Variants in PIAS3 observed in about 807,000 individuals in gnomAD.
PIAS3 encodes protein inhibitor of activated STAT 3, also known as E3 SUMO-protein ligase PIAS3.
In PIAS3, 34 loss-of-function variants were observed where a neutral mutation model predicts 67.6. The observed-to-expected ratio is 0.50, with a 90% CI of 0.38 to 0.67. The LOEUF is 0.67. Ranked by LOEUF, PIAS3 falls within the 30% of genes least tolerant of loss-of-function variation. The pLI is 0.00. For synonymous variants in PIAS3, 341 were observed against 313.8 expected, an observed-to-expected ratio of 1.09 and a Z score of -0.92; for missense variants, 693 against 791.6, an observed-to-expected ratio of 0.88 and a Z score of 1.49.
Position 145,850,880 on chromosome 1 carries a change from C to T in PIAS3, c.1339G>A (p.Val447Ile), listed in dbSNP as rs781879824. Residue 447 changes from valine (V) to isoleucine (I), a missense_variant, in exon 11 of 14, where the codon GTT (valine) becomes ATT (isoleucine). Around this residue, in one of 3 missense-constraint regions of PIAS3, gnomAD observed 270 missense variants for 261.0 expected, o/e 1.03. Coordinates refer to ENST00000393045, the MANE Select transcript of PIAS3 (RefSeq NM_006099.3). The part of the protein sequence containing the change: ...DPSENKKKVE[V>I]IDLTIESSSD... ...GAGCTTTCTATTGTCAAGTCAATAA[C>T]TTCGACCTTCTTCTTATTCTCTGAT... The T allele has an allele frequency of 1.2e-6, 2 of 1,614,070 alleles. No individual in the cohort carries two copies. The highest frequency in any genetic ancestry group is 1.1e-5 in the South Asian group (1 of 91,088).
At chr1:145,857,225 C>A in intron 1 of PIAS3, 1 of 577,166 alleles carries the variant, frequency 1.7e-6, no homozygotes. Context: ...TCACCACCAC[C>A]CCCGAGCTTG....
intron 6 of PIAS3, 22 bp downstream of exon 6, chr1:145,854,724 C>T: frequency 6.2e-7 from 1 of 1,614,124 alleles, no homozygotes; most frequent in Non-Finnish European, 8.5e-7. Context: ...CTTTTCCAGG[C>T]ACCTGCTTTA....
chr1:145,848,619 A>T lies in PIAS3; in HGVS notation c.*827T>A, dbSNP rs1246590957. 1.5e-6 allele frequency: 1 copy of T among 663,476 alleles called. No homozygotes were observed. The highest frequency in any genetic ancestry group is 2.7e-5 in the East Asian group (1 of 37,390). 41.1% of individuals were successfully genotyped at this position (663,476 alleles called of 1,614,324 possible). ...AGGTCCTAGGCCTTGGCGAGCCTGA[A>T]AAAGAAGATTGGGAAGGAGGGCACA... On this transcript the variant is annotated 3_prime_UTR_variant, in exon 14 of 14. Coordinates refer to ENST00000393045, the MANE Select transcript of PIAS3 (RefSeq NM_006099.3).
intron 3 of PIAS3, 67 bp from the exon 4 acceptor site, chr1:145,856,185 G>A: frequency 7.2e-7 from 1 of 1,397,124 alleles, no homozygotes; most frequent in East Asian, 2.3e-5. Context: ...TGAATGCACA[G>A]AAAGGCTGAA....
In PIAS3 at chr1:145,854,898, T is replaced by C; in HGVS notation, c.670-18A>G. ...AGGTAACCCTGGAGAAGGGAGGGAT[T>C]GGTCAGTGGAGAAGTGGCTCTGGGA... On this transcript the variant is annotated intron_variant, in intron 5 of 13. Transcript: ENST00000393045. 6.2e-7 allele frequency: 1 copy of C among 1,613,850 alleles called. No homozygotes were observed. Among genetic ancestry groups the C allele is most frequent in the Non-Finnish European group, 8.5e-7 (1 of 1,179,818 alleles).
At position 145,850,505 on chromosome 1, in the gene PIAS3, A is replaced by C; in HGVS notation, c.1530T>G (p.Ser510Arg). ...CAGGTGGGTACTCATGTAGTGGGAG[A>C]CTGGACAGGAAATCCCCACCCAACG... ...MGTLGGDFLSSLPLHEYPPAF... is the reference protein window; with the variant it reads ...MGTLGGDFLSRLPLHEYPPAF... The change falls in exon 12 of 14, where the codon AGT becomes AGG. Residue 510 changes from serine (S) to arginine (R), a missense_variant. Around this residue, in one of 3 missense-constraint regions of PIAS3, gnomAD observed 270 missense variants for 261.0 expected, o/e 1.03. Transcript: ENST00000393045. 1 of 1,614,092 alleles carries C rather than the reference A, an allele frequency of 6.2e-7. No individual in the cohort carries two copies. Among genetic ancestry groups the C allele is most frequent in the South Asian group, 1.1e-5 (1 of 91,072 alleles).
In PIAS3 at chr1:145,851,118, C is replaced by A. The variant is rs1438101803; in HGVS notation, c.1181G>T (p.Cys394Phe). ...ATCTTCCATGAATTGGATCTCATCA[C>A]AATCTGAACAGGAACTAAGAATCTC... Reference protein sequence around the residue: ...FMEILSSCSDCDEIQFMEDGS... With the variant: ...FMEILSSCSDFDEIQFMEDGS... The change falls in exon 10 of 14, where the codon TGT becomes TTT. Residue 394 changes from cysteine (C) to phenylalanine (F), a missense_variant. Cys to Phe is a radical substitution (Grantham distance 205). This residue lies in a region of PIAS3 where 115 missense variants were observed against 181.8 expected (regional missense o/e 0.63). Transcript: ENST00000393045. The A allele has an allele frequency of 6.2e-7, 1 of 1,613,978 alleles. No individual in the cohort carries two copies. Among genetic ancestry groups the A allele is most frequent in the African/African-American group, 1.3e-5 (1 of 74,914 alleles).
At chr1:145,856,041 C>T in intron 4 of PIAS3, 27 bp downstream of exon 4, 3 of 1,602,276 alleles carry the variant, frequency 1.9e-6, no homozygotes, top group South Asian at 1.1e-5. Context: ...AGTGGGTACC[C>T]AGGATAGGCA....
At chr1:145,855,016 T>C (rs1032703770) in intron 5 of PIAS3, 136 bp from the exon 6 acceptor site, 1 of 988,852 alleles carries the variant, frequency 1.0e-6, no homozygotes, top group South Asian at 1.5e-5. Flanking sequence ...ACCAAGGGGA[T>C]GGAGGCCCAT....
chr1:145,850,798 G>A lies in PIAS3; in HGVS notation c.1421C>T (p.Ala474Val). ...TTTGCTTCCAGGTAGGGCCGGGATG[G>A]CAGCTGAGGTGACAGAACAGTGCTT... ...TKKHCSVTSA[A>V]IPALPGSKGV... The change falls in exon 11 of 14, where the codon GCC becomes GTC. Residue 474 changes from alanine (A) to valine (V), a missense_variant. Physicochemically the swap from Ala to Val is moderately conservative, Grantham distance 64 (BLOSUM62 0). Around this residue, in one of 3 missense-constraint regions of PIAS3, gnomAD observed 270 missense variants for 261.0 expected, o/e 1.03. Coordinates refer to ENST00000393045, the MANE Select transcript of PIAS3 (RefSeq NM_006099.3). The A allele has an allele frequency of 6.2e-7, 1 of 1,614,230 alleles. No homozygotes were observed. The highest frequency in any genetic ancestry group is 2.2e-5 in the East Asian group (1 of 44,892).
At chr1:145,851,181 C>T (rs778606023) in intron 9 of PIAS3, 28 bp from the exon 10 acceptor site, 8 of 1,611,468 alleles carry the variant, frequency 5.0e-6, no homozygotes, top group South Asian at 3.3e-5. Flanking sequence ...TGAAAATTCA[C>T]GGGGCTGGGA....
At position 145,853,624 on chromosome 1, in the gene PIAS3, G is replaced by A. The variant is rs1653049283; in HGVS notation, c.1025C>T (p.Thr342Ile). 1 of 1,613,912 alleles carries A rather than the reference G, an allele frequency of 6.2e-7. No individual in the cohort carries two copies. Among genetic ancestry groups the A allele is most frequent in the Non-Finnish European group, 8.5e-7 (1 of 1,180,016 alleles). Residue 342 changes from threonine (T) to isoleucine (I), a missense_variant, in exon 9 of 14, where the codon ACC (threonine) becomes ATC (isoleucine). This residue lies in a region of PIAS3 where 115 missense variants were observed against 181.8 expected (regional missense o/e 0.63). Coordinates refer to ENST00000393045, the MANE Select transcript of PIAS3 (RefSeq NM_006099.3). ...MRLTVPCRAL[T>I]CAHLQSFDAA... ...ATCGAAGCTCTGCAGGTGGGCGCAG[G>A]TGAGGGCACGACAAGGGACAGTCAG...
chr1:145,859,041 C>A lies in PIAS3; in HGVS notation c.-51G>T. 6.5e-7 allele frequency: 1 copy of A among 1,532,374 alleles called. No individual in the cohort carries two copies. The highest frequency in any genetic ancestry group is 8.8e-7 in the Non-Finnish European group (1 of 1,138,458). 94.9% of individuals were successfully genotyped at this position (1,532,374 alleles called of 1,614,324 possible). A position where few individuals can be genotyped will look rare whatever the true frequency, so the allele number is the denominator to read the frequency against. On this transcript the variant is annotated 5_prime_UTR_variant, in exon 1 of 14. Transcript: ENST00000393045. ...CGGAGCCGGAGCTCAGGCCCAGGGA[C>A]CGGCGCACAACTCTCCACCCTGGCG...
chr1:145,852,592 G>C (rs1438336745), intron 9 of PIAS3, among the ~76,000 whole-genome samples: 2 of 149,740 alleles, frequency 1.3e-5, no homozygotes, highest in Non-Finnish European at 3.0e-5. Context: ...GCCAATCATA[G>C]GATTATTTCT....
At chr1:145,855,248 G>A (rs587608754) in intron 5 of PIAS3, among the ~76,000 whole-genome samples, 30 of 152,280 alleles carry the variant, frequency 2.0e-4, no homozygotes, top group African/African-American at 6.7e-4. Flanking sequence ...TTAGGAAGCC[G>A]AGGTGGGTGG....
intron 5 of PIAS3, 48 bp from the exon 6 acceptor site, chr1:145,854,928 G>T (rs782779076): frequency 6.2e-7 from 1 of 1,604,272 alleles, no homozygotes; most frequent in Admixed American, 1.7e-5. Flanking sequence ...CTGGGAAGGG[G>T]CTCTGCTCTT....
chr1:145,849,935 G>C (rs1440384720), intron 13 of PIAS3: 1 of 1,423,396 alleles, frequency 7.0e-7, no homozygotes. Context: ...TTGGCTTTGT[G>C]GGCGTCTGAA....
intron 5 of PIAS3, among the ~76,000 whole-genome samples, chr1:145,855,524 G>A (rs1367145277): frequency 6.6e-6 from 1 of 151,914 alleles, no homozygotes; most frequent in East Asian, 1.9e-4. Flanking sequence ...TACATCTCGG[G>A]TTGAACTAAT....
chr1:145,854,943 C>A, intron 5 of PIAS3, 63 bp from the exon 6 acceptor site: 2 of 1,579,846 alleles, frequency 1.3e-6, no homozygotes, highest in Admixed American at 1.7e-5. Context: ...GCTCTTTGAA[C>A]AAAAGATATC....
Sources: allele counts gnomAD v4.1 joint callset (sites outside exome capture counted in the v4.1 genomes callset), GRCh38; gene constraint gnomAD v4.1.1; regional missense constraint gnomAD v4.1.1; transcripts MANE v1.5; gene names NCBI Gene and HGNC (gene_info 2026-07-23, HGNC 2026-07-21).